The following ASTE1 variants were observed in gnomAD, a reference collection of about 807,000 sequenced individuals.
The protein encoded by ASTE1 is single-strand DNA endonuclease ASTE1.
ASTE1 carries 49 observed loss-of-function variants against 45.8 expected under a neutral mutation model. The observed-to-expected ratio is 1.07, with a 90% confidence interval of 0.85 to 1.36. The LOEUF (loss-of-function observed/expected upper bound fraction) is 1.36, where lower values mean the gene tolerates loss of function less well. Ranked by LOEUF, ASTE1 falls within the 40% of genes most tolerant of loss-of-function variation. The probability of loss-of-function intolerance (pLI) is 0.00; values close to 1 mark genes in which losing one functional copy is unlikely to be tolerated. For missense variants in ASTE1, 709 were observed against 804.0 expected (o/e 0.88, Z 1.43); for synonymous variants, 296 against 303.9 (o/e 0.97, Z 0.27).
rs1332414958 is a variant in ASTE1, at chr3:131,018,551, G to A, written c.1468C>T (p.Leu490Phe). The A allele has an allele frequency of 6.2e-7, 1 of 1,614,028 alleles. No homozygotes were observed. The highest frequency in any genetic ancestry group is 8.5e-7 in the Non-Finnish European group (1 of 1,180,016). ...ATCAAGGGCCCCACTAGCATTGTGA[G>A]CAGTAAGGATTGTAGATGATGTAGC... is the stretch of plus-strand genomic sequence containing the variant. ...AKLHHLQSLL[L>F]TMLVGPLIAI... Residue 490 changes from leucine (L) to phenylalanine (F), a missense_variant, in exon 4 of 6, where the codon CTC (leucine) becomes TTC (phenylalanine). By Grantham distance (22) the Leu-to-Phe change is conservative (BLOSUM62 0). Coordinates refer to ENST00000264992, the MANE Select transcript of ASTE1 (RefSeq NM_014065.4).
chr3:131,022,720 A>G (rs2063760254), intron 3 of ASTE1, among the ~76,000 whole-genome samples: 1 of 152,214 alleles, frequency 6.6e-6, no homozygotes, highest in African/African-American at 2.4e-5. Context: ...TCACTCGCCA[A>G]TGCCAAGAAG....
chr3:131,015,878 A>G (rs573147372), intron 5 of ASTE1: 1 of 535,720 alleles, frequency 1.9e-6, no homozygotes, highest in Admixed American at 2.7e-5. Context: ...CCTCTCCCAC[A>G]TATTAATGTA....
chr3:131,025,165 G>A lies in ASTE1; in HGVS notation c.142C>T (p.Arg48Trp), dbSNP rs1020833376. Reference protein sequence around the residue: ...RLCFSSNLDLRYGGDYDSFAD... With the variant: ...RLCFSSNLDLWYGGDYDSFAD... Reference sequence around the variant, plus strand: ...AAAGAATCATAGTCCCCTCCATACCGGAGATCCAAGTTTGAACTGAAGCAA... The same window carrying A: ...AAAGAATCATAGTCCCCTCCATACCAGAGATCCAAGTTTGAACTGAAGCAA... The change falls in exon 3 of 6, where the codon CGG becomes TGG. Residue 48 changes from arginine (R) to tryptophan (W), a missense_variant. By Grantham distance (101) the Arg-to-Trp change is moderately radical. Transcript: ENST00000264992. 2.4e-5 allele frequency: 38 copies of A among 1,614,128 alleles called. No homozygotes were observed. The highest frequency in any genetic ancestry group is 3.0e-5 in the Non-Finnish European group (35 of 1,180,022).
intron 3 of ASTE1, among the ~76,000 whole-genome samples, chr3:131,019,250 C>T (rs2063709881): frequency 6.6e-6 from 1 of 152,176 alleles, no homozygotes; most frequent in African/African-American, 2.4e-5. Flanking sequence ...GTGGCATATA[C>T]TCTATTTGTT....
intron 1 of ASTE1, among the ~76,000 whole-genome samples, chr3:131,025,937 C>G (rs1577120359): frequency 6.6e-6 from 1 of 152,252 alleles, no homozygotes; most frequent in South Asian, 2.1e-4. Context: ...CCTCTAGGAA[C>G]CCCTCTATCC....
intron 3 of ASTE1, among the ~76,000 whole-genome samples, chr3:131,022,642 G>C (rs946881839): frequency 6.6e-6 from 1 of 152,028 alleles, no homozygotes; most frequent in African/African-American, 2.4e-5. Flanking sequence ...TTATAAACTT[G>C]TGCAGCCATC....
At chr3:131,023,426 G>T (rs2063768358) in intron 3 of ASTE1, among the ~76,000 whole-genome samples, 1 of 152,086 alleles carries the variant, frequency 6.6e-6, no homozygotes, top group South Asian at 2.1e-4. Flanking sequence ...AAGGTGGTCT[G>T]GGTGTTACTC....
At position 131,014,225 on chromosome 3, in the gene ASTE1, A is replaced by G. The variant is rs1577087985; in HGVS notation, c.1872T>C (p.Gly624=). The G allele has an allele frequency of 6.2e-7, 1 of 1,610,356 alleles. No homozygotes were observed. Among genetic ancestry groups the G allele is most frequent in the Non-Finnish European group, 8.5e-7 (1 of 1,179,028 alleles). Residue 624 remains glycine, a synonymous_variant, in exon 6 of 6, where the codon GGT becomes GGC. Coordinates refer to ENST00000264992, the MANE Select transcript of ASTE1 (RefSeq NM_014065.4). The part of the protein sequence containing the change: ...YAPAEIFLPK[G]RSNSKKKRQK... ...GCCTTTTTTTTTTTGAATTTGATCTACCTTTTGGTAGGAATATTTCAGCGG... is the reference window on the plus strand; with the variant it reads ...GCCTTTTTTTTTTTGAATTTGATCTGCCTTTTGGTAGGAATATTTCAGCGG...
chr3:131,025,272 TC>T lies in ASTE1; in HGVS notation c.34del (p.Asp12IlefsTer10). The T allele has an allele frequency of 6.2e-7, 1 of 1,614,028 alleles. No individual in the cohort carries two copies. Among genetic ancestry groups the T allele is most frequent in the South Asian group, 1.1e-5 (1 of 91,064 alleles). ...ATCAGTGAAGAACTCATTACTATGA[TC>T]TTCCACAAAACTCATTAGTCCTCGG... ...GIRGLMSFVE[D>X]HSNEFFTDLK... On this transcript the variant is annotated frameshift_variant, in exon 3 of 6. Transcript: ENST00000264992. LOFTEE classifies it high-confidence loss of function.
rs1020810279 is a variant in ASTE1, at chr3:131,025,145, A to G, written c.162T>C (p.Asp54=). 5.6e-6 allele frequency: 9 copies of G among 1,614,136 alleles called. No individual in the cohort carries two copies. The highest frequency in any genetic ancestry group is 3.3e-5 in the Admixed American group (2 of 60,014). ...NLDLRYGGDY[D]SFADVVQKFF... is the part of the protein sequence containing the mutation. Reference sequence around the variant, plus strand: ...ATTTTTGTACAACATCTGCAAAAGAATCATAGTCCCCTCCATACCGGAGAT... The same window carrying G: ...ATTTTTGTACAACATCTGCAAAAGAGTCATAGTCCCCTCCATACCGGAGAT... The change falls in exon 3 of 6, where the codon GAT becomes GAC. Residue 54 remains aspartate (D), a synonymous_variant. Transcript: ENST00000264992.
chr3:131,015,321 A>G lies in ASTE1; in HGVS notation c.1709+823T>C. The stretch of plus-strand genomic sequence containing the variant: ...AGAGTTTACATCTGAGTGGAGAGAC[A>G]AACAAAACACAATCTATCTCCTTTT... On this transcript the variant is annotated intron_variant, in intron 5 of 5. Transcript: ENST00000264992. 9.1e-6 allele frequency: 6 copies of G among 660,976 alleles called. No homozygotes were observed. The Admixed American group carries it at 1.5e-4, about 16-fold the overall frequency. 40.9% of individuals were successfully genotyped at this position (660,976 alleles called of 1,614,324 possible). A position where few individuals can be genotyped will look rare whatever the true frequency, so the allele number is the denominator to read the frequency against.
chr3:131,016,726 G>T, intron 4 of ASTE1: 1 of 321,510 alleles, frequency 3.1e-6, no homozygotes. Flanking sequence ...CCAAGCTGTG[G>T]TGCATTTGTG....
intron 5 of ASTE1, chr3:131,015,126 G>T: frequency 1.5e-6 from 1 of 655,448 alleles, no homozygotes. Flanking sequence ...TGTTAGCTCA[G>T]ATATAAGGCC....
chr3:131,020,243 A>G (rs937153596), intron 3 of ASTE1, among the ~76,000 whole-genome samples: 4 of 152,204 alleles, frequency 2.6e-5, no homozygotes, highest in Admixed American at 6.5e-5. Context: ...ATGTTTCATC[A>G]AACCCACCAG....
rs1333377977 is a variant in ASTE1 at position 131,013,941 on chromosome 3, T to C, written c.*116A>G. 1.6e-6 allele frequency: 1 copy of C among 643,888 alleles called. No homozygotes were observed. The highest frequency in any genetic ancestry group is 1.9e-5 in the African/African-American group (1 of 53,682). The allele number at this position is 643,888 out of a possible 1,614,324, so 39.9% of individuals were successfully genotyped here. A position where few individuals can be genotyped will look rare whatever the true frequency, so the allele number is the denominator to read the frequency against. On this transcript the variant is annotated 3_prime_UTR_variant, in exon 6 of 6. Coordinates refer to ENST00000264992, the MANE Select transcript of ASTE1 (RefSeq NM_014065.4). ...TAACTTGGAATTCAGATTATTGTGA[T>C]GTTTATCCCCTAACAGGTCAGTCCT...
chr3:131,017,431 G>A (rs1344577965), intron 4 of ASTE1, among the ~76,000 whole-genome samples: 1 of 152,228 alleles, frequency 6.6e-6, no homozygotes, highest in Admixed American at 6.5e-5. Context: ...GACACTTGAA[G>A]TGTGGCTAGT....
chr3:131,015,211 T>C, intron 5 of ASTE1: 1 of 702,452 alleles, frequency 1.4e-6, no homozygotes, highest in Non-Finnish European at 2.6e-6. Flanking sequence ...CACCATATTT[T>C]GTATGCGTCC....
intron 4 of ASTE1, among the ~76,000 whole-genome samples, chr3:131,017,278 A>G (rs2063663470): frequency 6.6e-6 from 1 of 152,234 alleles, no homozygotes; most frequent in Non-Finnish European, 1.5e-5. Flanking sequence ...CTTGAGCCTT[A>G]ATACTTTAGA....
At position 131,017,045 on chromosome 3, in the gene ASTE1, A is replaced by G. The variant is rs986660309; in HGVS notation, c.1514-706T>C. On this transcript the variant is annotated intron_variant, in intron 4 of 5. Coordinates refer to ENST00000264992, the MANE Select transcript of ASTE1 (RefSeq NM_014065.4). ...GAGCCTGCCTGGGTACAGGGTCCAC[A>G]TTTCCTAAAAGAAAAGAAACAGACC... is the stretch of plus-strand genomic sequence containing the variant. The G allele has an allele frequency of 3.9e-6, 5 of 1,289,264 alleles. No individual in the cohort carries two copies. In the South Asian group the frequency reaches 4.9e-5, roughly 13 times the overall value. The allele number at this position is 1,289,264 out of a possible 1,614,324, so 79.9% of individuals were successfully genotyped here. A position where few individuals can be genotyped will look rare whatever the true frequency, so the allele number is the denominator to read the frequency against.
Sources: allele counts gnomAD v4.1 joint callset (sites outside exome capture counted in the v4.1 genomes callset), GRCh38; gene constraint gnomAD v4.1.1; transcripts MANE v1.5; gene names NCBI Gene and HGNC (gene_info 2026-07-23, HGNC 2026-07-21).